Variants in SLC1A3 observed in about 807,000 individuals in gnomAD.
SLC1A3 encodes the protein solute carrier family 1 member 3.
Under a neutral mutation model 48.1 loss-of-function variants are expected in SLC1A3, and 21 were observed. The ratio of observed to expected loss-of-function variants is 0.44; its 90% CI spans 0.31 to 0.63. SLC1A3 has a LOEUF of 0.63. Ranked by LOEUF, SLC1A3 falls within the 20% of genes least tolerant of loss-of-function variation. The pLI, the probability that SLC1A3 is intolerant of heterozygous loss-of-function variation, is 0.08. For synonymous variants in SLC1A3, 239 were observed against 251.4 expected, an observed-to-expected ratio of 0.95 and a Z score of 0.47; for missense variants, 546 against 689.0, an observed-to-expected ratio of 0.79 and a Z score of 2.32.
chr5:36,655,258 A>T lies in SLC1A3; in HGVS notation c.320-15771A>T, dbSNP rs149663624. ...CCTTTTGGCTTCTTTGCCGGAGAGT[A>T]TCAGGTGTAAGGTCTCTCTTTGCAC... On this transcript the variant is annotated intron_variant, in intron 3 of 9. Transcript: ENST00000265113. Among the ~76,000 whole-genome samples, 14 of 152,302 alleles carry T rather than the reference A, an allele frequency of 9.2e-5. 1 individual carries two copies. The highest frequency in any genetic ancestry group is 5.9e-4 in the Admixed American group (9 of 15,302).
chr5:36,680,788 G>A (rs374779736), intron 8 of SLC1A3, among the ~76,000 whole-genome samples, 199 bp downstream of exon 8: 9 of 152,022 alleles, frequency 5.9e-5, no homozygotes, highest in African/African-American at 1.9e-4. Context: ...CTGGTGGCAC[G>A]GGCCTGTGGT....
chr5:36,672,293 G>C (rs1045439557), intron 4 of SLC1A3, among the ~76,000 whole-genome samples: 2 of 152,086 alleles, frequency 1.3e-5, no homozygotes, highest in Admixed American at 1.3e-4. Context: ...GAAGCCAGAG[G>C]GCAAGAGAAC....
At chr5:36,615,177 G>A (rs533139369) in intron 2 of SLC1A3, among the ~76,000 whole-genome samples, 6 of 152,260 alleles carry the variant, frequency 3.9e-5, no homozygotes, top group African/African-American at 1.4e-4. Flanking sequence ...AGAGTCTAAA[G>A]ATCCTGGGTA....
chr5:36,629,606 GGTTT>G lies in SLC1A3; in HGVS notation c.319+25_319+28del. The stretch of plus-strand genomic sequence containing the variant: ...GTCACAGGTACCATAAGCAGTTGTT[GGTTT>G]GTTTGGTTTTTTTTAAGTGTGTTTA... On this transcript the variant is annotated intron_variant, in intron 3 of 9. Transcript: ENST00000265113. The G allele has an allele frequency of 6.2e-7, 1 of 1,608,944 alleles. No homozygotes were observed. Among genetic ancestry groups the G allele is most frequent in the Non-Finnish European group, 8.5e-7 (1 of 1,176,254 alleles).
intron 3 of SLC1A3, among the ~76,000 whole-genome samples, chr5:36,642,843 C>A (rs1740670718): frequency 6.6e-6 from 1 of 152,136 alleles, no homozygotes; most frequent in Admixed American, 6.5e-5. Flanking sequence ...GCTTTTTTCA[C>A]TCAGCACAAT....
chr5:36,604,407 C>T (rs185756695), upstream of SLC1A3, among the ~76,000 whole-genome samples: 5 of 152,060 alleles, frequency 3.3e-5, no homozygotes, highest in African/African-American at 9.7e-5. Flanking sequence ...TAGAAATACG[C>T]GTTGAGGAAA....
At chr5:36,608,836 A>G (rs1739076061) in intron 2 of SLC1A3, 2 of 1,274,992 alleles carry the variant, frequency 1.6e-6, no homozygotes, top group East Asian at 3.1e-5. Context: ...CAATTGTGTG[A>G]GGAAGAAAAA....
In SLC1A3 at chr5:36,687,017, G is replaced by A. The variant is rs1646046632; in HGVS notation, c.*748G>A. The A allele has an allele frequency of 6.6e-6, 1 of 152,576 alleles. No individual in the cohort carries two copies. Among genetic ancestry groups the A allele is most frequent in the Admixed American group, 6.5e-5 (1 of 15,292 alleles). The allele number at this position is 152,576 out of a possible 1,614,324, so 9.5% of individuals were successfully genotyped here. ...CATGGAGCACGAGGCCTTCAGAAAA[G>A]ACACTTCAATGGGAGTGAACATTTC... is the stretch of plus-strand genomic sequence containing the variant. On this transcript the variant is annotated 3_prime_UTR_variant, in exon 10 of 10. Transcript: ENST00000265113.
At chr5:36,610,591 T>C (rs1278640227) in intron 2 of SLC1A3, among the ~76,000 whole-genome samples, 4 of 152,128 alleles carry the variant, frequency 2.6e-5, no homozygotes, top group South Asian at 2.1e-4. Flanking sequence ...GGAAGACAGA[T>C]TGATGGAGAA....
rs1740068339 is a variant in SLC1A3, at chr5:36,629,801, T to G, written c.319+214T>G. The G allele has an allele frequency of 7.3e-5, 41 of 561,208 alleles. No homozygotes were observed. In the South Asian group the frequency reaches 7.8e-4, roughly 11 times the overall value. The allele number at this position is 561,208 out of a possible 1,614,324, so 34.8% of individuals were successfully genotyped here. A position where few individuals can be genotyped will look rare whatever the true frequency, so the allele number is the denominator to read the frequency against. On this transcript the variant is annotated intron_variant, in intron 3 of 9. Coordinates refer to ENST00000265113, the MANE Select transcript of SLC1A3 (RefSeq NM_004172.5). ...TACCAATCACAAGAGGAAACGAATTTAAACAGCCACGTAATCTGGTTCGCC... is the reference window on the plus strand; with the variant it reads ...TACCAATCACAAGAGGAAACGAATTGAAACAGCCACGTAATCTGGTTCGCC...
rs1006138377 is a variant in SLC1A3 at position 36,674,037 on chromosome 5, C to A, written c.525-12C>A. On this transcript the variant is annotated splice_polypyrimidine_tract_variant and intron_variant, in intron 4 of 9. Coordinates refer to ENST00000265113, the MANE Select transcript of SLC1A3 (RefSeq NM_004172.5). Reference sequence around the variant, plus strand: ...TGGAAAATTTTGCAAGTGACTATTACTTTCTTTGCAGGAACATGTTCCCTC... The same window carrying A: ...TGGAAAATTTTGCAAGTGACTATTAATTTCTTTGCAGGAACATGTTCCCTC... 1 of 1,612,176 alleles carries A rather than the reference C, an allele frequency of 6.2e-7. No individual in the cohort carries two copies. Among genetic ancestry groups the A allele is most frequent in the Non-Finnish European group, 8.5e-7 (1 of 1,178,354 alleles).
intron 3 of SLC1A3, chr5:36,638,890 A>C (rs974460639): frequency 4.6e-5 from 7 of 151,650 alleles, no homozygotes; most frequent in African/African-American, 1.7e-4. Flanking sequence ...CTGGTCTCGA[A>C]CTCCTGACCT....
At chr5:36,623,385 G>A (rs1373319957) in intron 2 of SLC1A3, among the ~76,000 whole-genome samples, 4 of 152,140 alleles carry the variant, frequency 2.6e-5, no homozygotes, top group African/African-American at 9.7e-5. Context: ...AAGTTATTTT[G>A]ATTTTCATTG....
At chr5:36,606,293 T>C (rs1738937325), upstream of SLC1A3, 1 of 152,250 alleles carries the variant, frequency 6.6e-6, no homozygotes, top group African/African-American at 2.4e-5. Context: ...GGTAATTAAA[T>C]TTAGCCTTAG....
At chr5:36,647,242 GTCCTGTGAGTAC>G (rs1353847629) in intron 3 of SLC1A3, among the ~76,000 whole-genome samples, 1 of 152,078 alleles carries the variant, frequency 6.6e-6, no homozygotes, top group African/African-American at 2.4e-5. Flanking sequence ...TACTCTTCAA[GTCCTGTGAGTAC>G]TCAACAAACA....
chr5:36,681,895 A>G (rs1188865404), intron 8 of SLC1A3, among the ~76,000 whole-genome samples: 3 of 152,146 alleles, frequency 2.0e-5, no homozygotes, highest in Non-Finnish European at 4.4e-5. Flanking sequence ...TTATCACTCA[A>G]CATTTTGTTG....
chr5:36,612,397 T>C (rs1221499994), intron 2 of SLC1A3, among the ~76,000 whole-genome samples: 1 of 152,090 alleles, frequency 6.6e-6, no homozygotes, highest in African/African-American at 2.4e-5. Context: ...CTGGGTAACA[T>C]AGTAAGTTCT....
intron 3 of SLC1A3, among the ~76,000 whole-genome samples, chr5:36,658,830 T>C (rs573791155): frequency 2.0e-5 from 3 of 152,176 alleles, no homozygotes; most frequent in Non-Finnish European, 4.4e-5. Flanking sequence ...TTTTCTTTCT[T>C]CTTTGACTTA....
At chr5:36,646,910 A>G (rs1427116776) in intron 3 of SLC1A3, among the ~76,000 whole-genome samples, 1 of 152,218 alleles carries the variant, frequency 6.6e-6, no homozygotes, top group Non-Finnish European at 1.5e-5. Context: ...AGTGGAGTAC[A>G]AAGAGTGATG....
Sources: allele counts gnomAD v4.1 joint callset (sites outside exome capture counted in the v4.1 genomes callset), GRCh38; gene constraint gnomAD v4.1.1; transcripts MANE v1.5; gene names NCBI Gene and HGNC (gene_info 2026-07-23, HGNC 2026-07-21).